The following STX1B variants were observed in gnomAD, a reference collection of about 807,000 sequenced individuals.
STX1B encodes syntaxin-1B.
STX1B carries 7 observed loss-of-function variants against 39.4 expected under a neutral mutation model. That is an observed-to-expected ratio of 0.18 (90% CI 0.10 to 0.33). The LOEUF (loss-of-function observed/expected upper bound fraction) is 0.33. Among genes scored for constraint, STX1B ranks in the 10% least tolerant of loss-of-function variants. The pLI is 1.00. For synonymous variants in STX1B, 136 were observed against 144.1 expected (o/e 0.94, Z 0.40); for missense variants, 198 against 383.2 (o/e 0.52, Z 4.04).
chr16:30,993,120 C>T lies in STX1B; in HGVS notation c.786+10G>A. 6.2e-7 allele frequency: 1 copy of T among 1,613,688 alleles called. No individual in the cohort carries two copies. Among genetic ancestry groups the T allele is most frequent in the South Asian group, 1.1e-5 (1 of 91,058 alleles). ...CCCCCGCCTACCCCCAGGCCGCCTG[C>T]CCCGCTCACCCTCCGGGCCTTGCTC... On this transcript the variant is annotated intron_variant, in intron 9 of 9. Coordinates refer to ENST00000215095, the MANE Select transcript of STX1B (RefSeq NM_052874.5).
intron 1 of STX1B, among the ~76,000 whole-genome samples, chr16:31,006,240 C>T (rs1319945161): frequency 6.6e-6 from 1 of 152,170 alleles, no homozygotes; most frequent in African/African-American, 2.4e-5. Context: ...CCCTTTCCCC[C>T]ACCCTCTGCT....
intron 5 of STX1B, 38 bp from the exon 6 acceptor site, chr16:30,997,097 T>TAGTCAGGGATCAGGGAGGG (rs1188944719): frequency 7.0e-7 from 1 of 1,425,198 alleles, no homozygotes; most frequent in Admixed American, 1.7e-5. Context: ...ATCAGGGAGG[T>TAGTCAGGGATCAGGGAGGG]AGTCAGGGAT....
chr16:31,000,746 T>C, intron 4 of STX1B, 182 bp downstream of exon 4: 1 of 649,208 alleles, frequency 1.5e-6, no homozygotes. Context: ...CGCCTCGGCC[T>C]CCCAAACTGG....
chr16:31,002,181 G>T (rs150609214), intron 1 of STX1B, among the ~76,000 whole-genome samples: 6 of 146,090 alleles, frequency 4.1e-5, no homozygotes, highest in African/African-American at 1.3e-4. Context: ...CCCTCTTCCC[G>T]CCCACTCTCC....
intron 1 of STX1B, among the ~76,000 whole-genome samples, chr16:31,010,050 C>T (rs2056672834): frequency 6.6e-6 from 1 of 152,052 alleles, no homozygotes; most frequent in South Asian, 2.1e-4. Flanking sequence ...CAGTCTCCTC[C>T]GGTTTCTCCT....
chr16:31,006,143 G>A (rs545983093), intron 1 of STX1B, among the ~76,000 whole-genome samples: 1 of 152,230 alleles, frequency 6.6e-6, no homozygotes, highest in South Asian at 2.1e-4. Flanking sequence ...ACATATGCGT[G>A]CCCCAGCACT....
intron 1 of STX1B, among the ~76,000 whole-genome samples, chr16:31,005,343 A>G (rs1305581516): frequency 1.3e-5 from 2 of 152,202 alleles, no homozygotes; most frequent in Non-Finnish European, 2.9e-5. Context: ...TGGTGGCCTC[A>G]GGTTACAGGT....
At chr16:30,997,707 C>T in intron 4 of STX1B, 132 bp from the exon 5 acceptor site, 3 of 823,246 alleles carry the variant, frequency 3.6e-6, no homozygotes, top group Non-Finnish European at 5.8e-6. Context: ...GGGCGAGTTG[C>T]GGGCAGCGGT....
rs202077851 is a variant in STX1B, at chr16:31,001,124, C to A, written c.175G>T (p.Ala59Ser). The A allele has an allele frequency of 1.9e-5, 31 of 1,614,030 alleles. No individual in the cohort carries two copies. The highest frequency in any genetic ancestry group is 2.6e-5 in the Non-Finnish European group (31 of 1,180,042). The change falls in exon 3 of 10, where the codon GCC becomes TCC. Residue 59 changes from alanine to serine, a missense_variant. By Grantham distance (99) the Ala-to-Ser change is moderately conservative (BLOSUM62 1). Coordinates refer to ENST00000215095, the MANE Select transcript of STX1B (RefSeq NM_052874.5). The surrounding 1 kb of genome is among the most constrained non-coding windows in gnomAD (Gnocchi z 5.5). ...TCTGGGTTGGGTGCGGCCAGGATGGCGCTATGCTGTTTTTTCACCTGCTCC... is the reference window on the plus strand; with the variant it reads ...TCTGGGTTGGGTGCGGCCAGGATGGAGCTATGCTGTTTTTTCACCTGCTCC... ...DVEQVKKQHS[A>S]ILAAPNPDEK... is the part of the protein sequence containing the mutation.
rs201290311 is a variant in STX1B at position 30,992,649 on chromosome 16, G to GGA, written c.*171_*172insTC. On this transcript the variant is annotated 3_prime_UTR_variant, in exon 10 of 10. Transcript: ENST00000215095. ...CGATCTACGTGCGGGGACGGGGGGG[G>GGA]GGTCCATGGCCCGGTGAGGTCCAGG... The GGA allele has an allele frequency of 2.7e-5, 13 of 489,304 alleles. No individual in the cohort carries two copies. The highest frequency in any genetic ancestry group is 1.9e-4 in the South Asian group (7 of 37,182). 30.3% of individuals were successfully genotyped at this position (489,304 alleles called of 1,614,324 possible).
rs1309058856 is a variant in STX1B, at chr16:30,993,122, C to T, written c.786+8G>A. 1.2e-6 allele frequency: 2 copies of T among 1,613,898 alleles called. No homozygotes were observed. Among genetic ancestry groups the T allele is most frequent in the Non-Finnish European group, 1.7e-6 (2 of 1,179,740 alleles). Reference sequence around the variant, plus strand: ...CCCGCCTACCCCCAGGCCGCCTGCCCCGCTCACCCTCCGGGCCTTGCTCTG... The same window carrying T: ...CCCGCCTACCCCCAGGCCGCCTGCCTCGCTCACCCTCCGGGCCTTGCTCTG... On this transcript the variant is annotated splice_region_variant and intron_variant, in intron 9 of 9. Coordinates refer to ENST00000215095, the MANE Select transcript of STX1B (RefSeq NM_052874.5).
intron 4 of STX1B, among the ~76,000 whole-genome samples, chr16:31,000,703 G>T (rs2056622175): frequency 6.6e-6 from 1 of 152,078 alleles, no homozygotes; most frequent in Non-Finnish European, 1.5e-5. Context: ...TCTTGGCCAG[G>T]CTGGTCTTGA....
chr16:30,998,037 G>A (rs926290591), intron 4 of STX1B, among the ~76,000 whole-genome samples: 2 of 152,206 alleles, frequency 1.3e-5, no homozygotes, highest in African/African-American at 4.8e-5. Context: ...GGTGGATCAG[G>A]TTCTAGTGGC....
At position 30,992,794 on chromosome 16, in the gene STX1B, T is replaced by C. The variant is rs1432586437; in HGVS notation, c.*27A>G. The stretch of plus-strand genomic sequence containing the variant: ...TGCTCCCGATGTGGTGGGGGAAGGG[T>C]CTGGGAGAGAGAAGGGTGGGGGGGG... On this transcript the variant is annotated 3_prime_UTR_variant, in exon 10 of 10. Transcript: ENST00000215095. 3 of 1,353,152 alleles carry C rather than the reference T, an allele frequency of 2.2e-6. No homozygotes were observed. The African/African-American group carries it at 5.3e-5, about 24-fold the overall frequency. 83.8% of individuals were successfully genotyped at this position (1,353,152 alleles called of 1,614,324 possible). A position where few individuals can be genotyped will look rare whatever the true frequency, so the allele number is the denominator to read the frequency against.
rs374919388 is a variant in STX1B at position 30,989,915 on chromosome 16, T to C, written c.*2906A>G. ...ACACGTGGGGCACATGTGGGCTCAA[T>C]GGTTGCAGGCGCCTGGGCAGGTAGC... On this transcript the variant is annotated 3_prime_UTR_variant, in exon 10 of 10. Transcript: ENST00000215095. 1.3e-5 allele frequency: 2 copies of C among 152,298 alleles called. No homozygotes were observed. The highest frequency in any genetic ancestry group is 4.8e-5 in the African/African-American group (2 of 41,418). The allele number at this position is 152,298 out of a possible 1,614,324, so 9.4% of individuals were successfully genotyped here.
intron 4 of STX1B, 133 bp from the exon 5 acceptor site, chr16:30,997,708 G>C: frequency 1.2e-6 from 1 of 803,482 alleles, no homozygotes; most frequent in Non-Finnish European, 2.0e-6. Flanking sequence ...GGCGAGTTGC[G>C]GGCAGCGGTG....
intron 4 of STX1B, among the ~76,000 whole-genome samples, chr16:31,000,347 G>GTTT (rs1261403900): frequency 1.8e-5 from 1 of 56,898 alleles, no homozygotes; most frequent in African/African-American, 6.4e-5. Flanking sequence ...TTTTTTTTTT[G>GTTT]TTTGAGACAG....
At chr16:30,994,393 G>T (rs1197033766) in intron 7 of STX1B, among the ~76,000 whole-genome samples, 7 of 144,878 alleles carry the variant, frequency 4.8e-5, no homozygotes, top group Admixed American at 2.1e-4. Flanking sequence ...AGGCCAGCCT[G>T]GGCAACATAG....
chr16:31,007,281 T>C (rs1199173949), intron 1 of STX1B, among the ~76,000 whole-genome samples: 3 of 152,066 alleles, frequency 2.0e-5, no homozygotes, highest in African/African-American at 7.2e-5. Flanking sequence ...GGGCGGTCCC[T>C]CAGCAGCCTT....
Sources: gnomAD v4.1 joint callset for allele counts (sites outside exome capture counted in the v4.1 genomes callset) on GRCh38, gnomAD v4.1.1 for gene constraint, Gnocchi (gnomAD v3.1) non-coding constraint, MANE v1.5 for transcripts, NCBI Gene and HGNC (gene_info 2026-07-23, HGNC 2026-07-21) for gene names.